Variants in SCAPER observed in about 807,000 individuals in gnomAD.
SCAPER encodes S phase cyclin A-associated protein in the endoplasmic reticulum.
SCAPER carries 98 observed loss-of-function variants against 182.2 expected under a neutral mutation model. The observed-to-expected ratio is 0.54, with a 90% CI of 0.46 to 0.64. The LOEUF (loss-of-function observed/expected upper bound fraction) is 0.64, where lower values mean the gene tolerates loss of function less well. SCAPER is among the 30% of genes least tolerant of loss of function. The pLI is 0.00. For synonymous variants in SCAPER, 605 were observed against 564.6 expected (o/e 1.07, Z -1.01); for missense variants, 1,432 against 1,690.0 (o/e 0.85, Z 2.68).
intron 29 of SCAPER, among the ~76,000 whole-genome samples, chr15:76,373,056 T>TTTC (rs1567013845): frequency 1.8e-4 from 11 of 60,330 alleles, no homozygotes; most frequent in African/African-American, 4.7e-4. Context: ...TTCTTTCTTT[T>TTTC]TTTTTTTTTG....
intron 23 of SCAPER, among the ~76,000 whole-genome samples, chr15:76,511,582 G>GGTTATA (rs1472007002): frequency 6.6e-6 from 1 of 152,076 alleles, no homozygotes; most frequent in Non-Finnish European, 1.5e-5. Context: ...TTCCTCTCTT[G>GGTTATA]TAACCAAATT....
chr15:76,499,707 A>G (rs2040925218), intron 24 of SCAPER, among the ~76,000 whole-genome samples: 1 of 152,180 alleles, frequency 6.6e-6, no homozygotes, highest in African/African-American at 2.4e-5. Flanking sequence ...TATTTTTTTA[A>G]GTGATAAGAT....
At chr15:76,353,927 T>G (rs771364790) in intron 30 of SCAPER, 22 bp downstream of exon 30, 65 of 1,506,572 alleles carry the variant, frequency 4.3e-5, no homozygotes, top group Non-Finnish European at 5.7e-5. Context: ...AGCTAGACAA[T>G]TACGTATAAT....
chr15:76,871,155 A>G (rs2072698267), intron 2 of SCAPER, among the ~76,000 whole-genome samples: 1 of 152,174 alleles, frequency 6.6e-6, no homozygotes, highest in African/African-American at 2.4e-5. Context: ...CATGCCTGTA[A>G]TCCCAGCACT....
chr15:76,545,053 T>A (rs2045138170), intron 23 of SCAPER, among the ~76,000 whole-genome samples: 1 of 152,286 alleles, frequency 6.6e-6, no homozygotes, highest in Admixed American at 6.5e-5. Context: ...TTCCCATAAC[T>A]TACCAATTTT....
chr15:76,705,836 A>G, intron 18 of SCAPER, 67 bp downstream of exon 18: 1 of 1,076,174 alleles, frequency 9.3e-7, no homozygotes, highest in South Asian at 1.6e-5. Context: ...TTTTTCCTAC[A>G]AAATTTTGAT....
intron 5 of SCAPER, among the ~76,000 whole-genome samples, chr15:76,812,790 T>C (rs754323132): frequency 4.0e-5 from 6 of 151,306 alleles, no homozygotes; most frequent in Non-Finnish European, 2.9e-5. Flanking sequence ...ATGACTGAAA[T>C]AGTATCAAAA....
At chr15:76,645,690 G>C (rs915178648) in intron 21 of SCAPER, among the ~76,000 whole-genome samples, 4 of 151,652 alleles carry the variant, frequency 2.6e-5, no homozygotes, top group African/African-American at 9.7e-5. Flanking sequence ...CTCATAAAAG[G>C]GTTATTTATA....
chr15:76,589,059 G>T (rs574207423), intron 22 of SCAPER, among the ~76,000 whole-genome samples: 2 of 152,076 alleles, frequency 1.3e-5, no homozygotes, highest in Non-Finnish European at 2.9e-5. Context: ...CTGGTACTGG[G>T]GGGTATCTGC....
intron 23 of SCAPER, among the ~76,000 whole-genome samples, chr15:76,520,550 G>T (rs1298959116): frequency 1.3e-5 from 2 of 151,996 alleles, no homozygotes; most frequent in Non-Finnish European, 2.9e-5. Flanking sequence ...TTTCCCATGT[G>T]CTTGGTCCAT....
At chr15:76,745,923 G>A (rs547367055) in intron 15 of SCAPER, among the ~76,000 whole-genome samples, 1 of 151,996 alleles carries the variant, frequency 6.6e-6, no homozygotes, top group East Asian at 1.9e-4. Context: ...ACTGTCCCTC[G>A]AAAACAAAAA....
chr15:76,765,667 C>A (rs1297560678), intron 11 of SCAPER, 29 bp from the exon 12 acceptor site: 2 of 1,517,466 alleles, frequency 1.3e-6, no homozygotes, highest in Non-Finnish European at 1.8e-6. Flanking sequence ...AGTTGAAAAT[C>A]AAATCTTTGA....
intron 23 of SCAPER, among the ~76,000 whole-genome samples, chr15:76,563,426 G>A (rs1465535154): frequency 1.3e-5 from 2 of 152,088 alleles, no homozygotes; most frequent in African/African-American, 2.4e-5. Context: ...ATCTAGAAGT[G>A]GATAAATTCC....
chr15:76,364,617 G>A (rs1268880091), intron 29 of SCAPER, among the ~76,000 whole-genome samples: 5 of 151,968 alleles, frequency 3.3e-5, no homozygotes, highest in Non-Finnish European at 7.4e-5. Context: ...AGTAGCAGAG[G>A]AATGCAAAAA....
At chr15:76,462,141 T>C (rs922620459) in intron 25 of SCAPER, among the ~76,000 whole-genome samples, 2 of 152,182 alleles carry the variant, frequency 1.3e-5, no homozygotes, top group Non-Finnish European at 2.9e-5. Flanking sequence ...GGATTTTCTA[T>C]TGAGTTCTAG....
intron 22 of SCAPER, among the ~76,000 whole-genome samples, chr15:76,617,308 C>T (rs1441431074): frequency 2.0e-5 from 3 of 152,142 alleles, no homozygotes; most frequent in African/African-American, 7.2e-5. Context: ...AATTTAACTG[C>T]TAGAGTAAGG....
chr15:76,586,374 GAATT>G, intron 22 of SCAPER, among the ~76,000 whole-genome samples: 1 of 152,094 alleles, frequency 6.6e-6, no homozygotes, highest in Admixed American at 6.5e-5. Context: ...TTCATATCTG[GAATT>G]AATTAAATAA....
chr15:76,619,593 T>A (rs1452073475), intron 22 of SCAPER, among the ~76,000 whole-genome samples: 8 of 152,154 alleles, frequency 5.3e-5, no homozygotes, highest in South Asian at 2.1e-4. Flanking sequence ...CTTTCTTTTT[T>A]TTATTATTAT....
intron 21 of SCAPER, among the ~76,000 whole-genome samples, chr15:76,652,076 C>T (rs1228511103): frequency 6.7e-6 from 1 of 149,594 alleles, no homozygotes; most frequent in East Asian, 2.0e-4. Context: ...TCCAACACCC[C>T]TTCATGATGA....
Sources: gnomAD v4.1 joint callset for allele counts (sites outside exome capture counted in the v4.1 genomes callset) on GRCh38, gnomAD v4.1.1 for gene constraint, MANE v1.5 for transcripts, NCBI Gene and HGNC (gene_info 2026-07-23, HGNC 2026-07-21) for gene names.